Variants in GLDC observed in about 807,000 individuals in gnomAD.
The protein encoded by GLDC is glycine dehydrogenase (decarboxylating), mitochondrial.
GLDC carries 104 observed loss-of-function variants against 121.3 expected under a neutral mutation model. That is an observed-to-expected ratio of 0.86 (90% confidence interval 0.73 to 1.01). The LOEUF is 1.01. Ranked by LOEUF, GLDC falls within the 50% of genes least tolerant of loss-of-function variation. The probability of loss-of-function intolerance (pLI) is 0.00; values close to 1 mark genes in which losing one functional copy is unlikely to be tolerated. For missense variants in GLDC, 1,429 were observed against 1,306.6 expected (o/e 1.09, Z -1.44); for synonymous variants, 546 against 480.6 (o/e 1.14, Z -1.78).
chr9:6,596,323 T>C (rs918709644), intron 8 of GLDC, among the ~76,000 whole-genome samples: 8 of 152,108 alleles, frequency 5.3e-5, no homozygotes, highest in Non-Finnish European at 8.8e-5. Context: ...AACAACAAAT[T>C]GATGAGAAGT....
intron 2 of GLDC, among the ~76,000 whole-genome samples, chr9:6,628,736 G>A (rs1215422434): frequency 6.6e-6 from 1 of 152,186 alleles, no homozygotes; most frequent in Non-Finnish European, 1.5e-5. Flanking sequence ...GTGAGACCCT[G>A]CCTAAAGAAA....
chr9:6,574,984 A>G (rs1009407623), intron 15 of GLDC, among the ~76,000 whole-genome samples: 6 of 152,156 alleles, frequency 3.9e-5, no homozygotes, highest in African/African-American at 1.4e-4. Context: ...CCTCCAGGCC[A>G]AATTGCTCTC....
Position 6,645,438 on chromosome 9 carries a change from C to A in GLDC, c.62G>T (p.Arg21Leu). The A allele has an allele frequency of 1.4e-5, 18 of 1,273,856 alleles. No homozygotes were observed. Among genetic ancestry groups the A allele is most frequent in the Non-Finnish European group, 1.7e-5 (17 of 1,017,480 alleles). The allele number at this position is 1,273,856 out of a possible 1,614,324, so 78.9% of individuals were successfully genotyped here. A position where few individuals can be genotyped will look rare whatever the true frequency, so the allele number is the denominator to read the frequency against. Residue 21 changes from arginine (R) to leucine (L), a missense_variant, in exon 1 of 25, where the codon CGC becomes CTC. Coordinates refer to ENST00000321612, the MANE Select transcript of GLDC (RefSeq NM_000170.3). The stretch of plus-strand genomic sequence containing the variant: ...GCACGGCCCCGATCCCCCAGCCAGG[C>A]GGCGGCCGCCCCCGACCCCGCGGCC... Reference protein sequence around the residue: ...RLGRGVGGGRRLAGGSGPCWA... With the variant: ...RLGRGVGGGRLLAGGSGPCWA...
At chr9:6,552,730 A>C (rs1487450304) in intron 20 of GLDC, among the ~76,000 whole-genome samples, 1 of 152,158 alleles carries the variant, frequency 6.6e-6, no homozygotes, top group Non-Finnish European at 1.5e-5. Flanking sequence ...TTGTCAGTCC[A>C]GGAGGTGGGC....
At chr9:6,603,234 TAA>T (rs536858065) in intron 7 of GLDC, among the ~76,000 whole-genome samples, 1 of 110,102 alleles carries the variant, frequency 9.1e-6, no homozygotes, top group East Asian at 2.6e-4. Context: ...TCTCAAAAAA[TAA>T]AAAAAAAAAA....
At chr9:6,542,142 A>T (rs1817280489) in intron 21 of GLDC, 2 of 152,260 alleles carry the variant, frequency 1.3e-5, no homozygotes, top group African/African-American at 4.8e-5. Flanking sequence ...TGGGAGGCTT[A>T]GACAGGAGAA....
At chr9:6,594,011 G>C (rs568001784) in intron 9 of GLDC, among the ~76,000 whole-genome samples, 1 of 151,876 alleles carries the variant, frequency 6.6e-6, no homozygotes, top group South Asian at 2.1e-4. Context: ...TTTTTTTATA[G>C]AGATGTGGTC....
chr9:6,533,367 T>A (rs918200551), intron 24 of GLDC, among the ~76,000 whole-genome samples: 2 of 152,172 alleles, frequency 1.3e-5, no homozygotes, highest in Non-Finnish European at 2.9e-5. Context: ...CTGTTAAGCA[T>A]CCCTATGTGC....
chr9:6,640,274 A>G (rs1304453691), intron 2 of GLDC, among the ~76,000 whole-genome samples: 6 of 152,360 alleles, frequency 3.9e-5, no homozygotes, highest in Admixed American at 2.6e-4. Context: ...AATAATTCCT[A>G]TAAGCTGGGA....
intron 15 of GLDC, among the ~76,000 whole-genome samples, chr9:6,571,800 A>C (rs1169181244): frequency 6.6e-6 from 1 of 152,236 alleles, no homozygotes; most frequent in African/African-American, 2.4e-5. Flanking sequence ...ACTGCAAATA[A>C]GTGGGGACTA....
chr9:6,622,280 C>A (rs1323675027), intron 2 of GLDC, among the ~76,000 whole-genome samples: 1 of 152,086 alleles, frequency 6.6e-6, no homozygotes, highest in Non-Finnish European at 1.5e-5. Flanking sequence ...CTCCCTCTCC[C>A]TCTTTCCACG....
intron 2 of GLDC, among the ~76,000 whole-genome samples, chr9:6,631,984 G>C (rs549077555): frequency 2.8e-4 from 43 of 152,232 alleles, no homozygotes; most frequent in African/African-American, 8.9e-4. Flanking sequence ...GGGAGGATCT[G>C]TTTGGCCCAG....
intron 3 of GLDC, among the ~76,000 whole-genome samples, chr9:6,612,137 G>A (rs573075729): frequency 7.2e-5 from 11 of 151,814 alleles, no homozygotes; most frequent in Admixed American, 2.6e-4. Flanking sequence ...CAGTTGCTAA[G>A]CCAGTCTCTT....
At chr9:6,578,540 T>A (rs1309281401) in intron 15 of GLDC, among the ~76,000 whole-genome samples, 1 of 152,228 alleles carries the variant, frequency 6.6e-6, no homozygotes, top group African/African-American at 2.4e-5. Flanking sequence ...GTACTTCCTC[T>A]CTTTTTTTCT....
intron 21 of GLDC, among the ~76,000 whole-genome samples, chr9:6,546,807 C>T (rs1172896211): frequency 6.6e-6 from 1 of 151,754 alleles, no homozygotes; most frequent in East Asian, 2.0e-4. Context: ...ACTAAAAATA[C>T]AAAAATCAGC....
At position 6,610,277 on chromosome 9, in the gene GLDC, A is replaced by T. The variant is rs369031015; in HGVS notation, c.550T>A (p.Cys184Ser). 1 of 1,613,752 alleles carries T rather than the reference A, an allele frequency of 6.2e-7. No individual in the cohort carries two copies. Among genetic ancestry groups the T allele is most frequent in the African/African-American group, 1.3e-5 (1 of 74,922 alleles). Residue 184 changes from cysteine to serine, a missense_variant, in exon 4 of 25, where the codon TGT (cysteine) becomes AGT (serine). Physicochemically the swap from Cys to Ser is moderately radical, Grantham distance 112 (BLOSUM62 -1). Transcript: ENST00000321612. ...ESLLNYQTMVCDITGLDMANA... is the reference protein window; with the variant it reads ...ESLLNYQTMVSDITGLDMANA... Reference sequence around the variant, plus strand: ...GCCATGTCCAGGCCTGTGATGTCACACACCATGGTCTGGTAGTTGAGTAAA... The same window carrying T: ...GCCATGTCCAGGCCTGTGATGTCACTCACCATGGTCTGGTAGTTGAGTAAA...
Position 6,634,923 on chromosome 9 carries a change from C to T in GLDC, c.334+9691G>A, listed in dbSNP as rs532658983. Among the ~76,000 whole-genome samples the T allele has an allele frequency of 2.6e-5, 4 of 152,312 alleles. No individual in the cohort carries two copies. The South Asian group carries it at 6.2e-4, about 24-fold the overall frequency. On this transcript the variant is annotated intron_variant, in intron 2 of 24. Coordinates refer to ENST00000321612, the MANE Select transcript of GLDC (RefSeq NM_000170.3). The stretch of plus-strand genomic sequence containing the variant: ...CCTCTATAGTAACTTTTCCTGTCTA[C>T]CCATTACTTAGAGGGGGGAAAATAA...
At chr9:6,643,898 G>T (rs1187858379) in intron 2 of GLDC, among the ~76,000 whole-genome samples, 2 of 151,358 alleles carry the variant, frequency 1.3e-5, no homozygotes, top group East Asian at 1.9e-4. Flanking sequence ...GCCTGGTGTG[G>T]TGGTGCGCCC....
chr9:6,634,618 C>T (rs903716979), intron 2 of GLDC, among the ~76,000 whole-genome samples: 4 of 152,116 alleles, frequency 2.6e-5, no homozygotes, highest in African/African-American at 4.8e-5. Context: ...TAAGCTCTGC[C>T]GGAAAACTAA....
Sources: gnomAD v4.1 joint callset for allele counts (sites outside exome capture counted in the v4.1 genomes callset) on GRCh38, gnomAD v4.1.1 for gene constraint, MANE v1.5 for transcripts, NCBI Gene and HGNC (gene_info 2026-07-23, HGNC 2026-07-21) for gene names.